The following ANKFN1 variants were observed in gnomAD, a reference collection of about 807,000 sequenced individuals.
The protein encoded by ANKFN1 is ankyrin repeat and fibronectin type-III domain-containing protein 1.
In ANKFN1, 74 loss-of-function variants were observed where a neutral mutation model predicts 108.7. The observed-to-expected ratio is 0.68, with a 90% confidence interval of 0.56 to 0.83. The LOEUF (loss-of-function observed/expected upper bound fraction) is 0.83, where lower values mean the gene tolerates loss of function less well. ANKFN1 is among the 40% of genes least tolerant of loss of function. ANKFN1 has a pLI of 0.00. For synonymous variants in ANKFN1, 547 were observed against 516.2 expected, an observed-to-expected ratio of 1.06 and a Z score of -0.81; for missense variants, 1,505 against 1,382.3, an observed-to-expected ratio of 1.09 and a Z score of -1.41.
Position 56,338,727 on chromosome 17 carries a change from A to G in ANKFN1, c.189-12039A>G, listed in dbSNP as rs190114841. ...CTCTTATGGATGCTATAGAGATTAC[A>G]TGATGTATTATTCAAGATCCCAGCA... On this transcript the variant is annotated intron_variant, in intron 4 of 20. Transcript: ENST00000682825. 1.8e-4 allele frequency among the ~76,000 whole-genome samples: 28 copies of G among 152,124 alleles called. No homozygotes were observed. The Middle Eastern group carries it at 0.014, about 74-fold the overall frequency.
intron 4 of ANKFN1, among the ~76,000 whole-genome samples, chr17:56,049,885 A>G (rs1904744703): frequency 6.6e-6 from 1 of 151,512 alleles, no homozygotes; most frequent in African/African-American, 2.4e-5. Context: ...AGCATGATTT[A>G]TAGTCCTTTG....
At position 56,144,156 on chromosome 17, in the gene ANKFN1, G is replaced by GAAAAAA. The variant is rs59884444; in HGVS notation, c.289-83737_289-83732dup. On this transcript the variant is annotated intron_variant, in intron 4 of 12. Coordinates refer to the ANKFN1 transcript ENST00000635860. Reference sequence around the variant, plus strand: ...GCCTGACACAAACAGAGGCGCATCTGAAAAAAAAAAAAAAAAAAAAAAAAA... The same window carrying GAAAAAA: ...GCCTGACACAAACAGAGGCGCATCTGAAAAAAAAAAAAAAAAAAAAAAAAAAAAAAA... 5.9e-4 allele frequency among the ~76,000 whole-genome samples: 24 copies of GAAAAAA among 40,556 alleles called. 1 individual carries two copies. Among genetic ancestry groups the GAAAAAA allele is most frequent in the African/African-American group, 1.8e-3 (19 of 10,852 alleles). The allele number at this position is 40,556 out of a possible 152,430, so 26.6% of individuals were successfully genotyped here. A position where few individuals can be genotyped will look rare whatever the true frequency, so the allele number is the denominator to read the frequency against.
chr17:56,053,345 C>T (rs1904810685), intron 4 of ANKFN1, among the ~76,000 whole-genome samples: 1 of 152,108 alleles, frequency 6.6e-6, no homozygotes, highest in Non-Finnish European at 1.5e-5. Flanking sequence ...CTGTCTATCT[C>T]CATGAGTTCA....
intron 2 of ANKFN1, among the ~76,000 whole-genome samples, chr17:56,224,126 A>C (rs915222706): frequency 1.3e-5 from 2 of 152,242 alleles, no homozygotes; most frequent in African/African-American, 4.8e-5. Flanking sequence ...CTATGCCTTC[A>C]TCACATAGTC....
chr17:56,337,603 T>A (rs115550645), intron 4 of ANKFN1, among the ~76,000 whole-genome samples: 3,059 of 118,110 alleles, frequency 0.026, 98 homozygotes, highest in African/African-American at 0.078. Flanking sequence ...CTGAAACAAA[T>A]TTACAAGAAA....
intron 3 of ANKFN1, among the ~76,000 whole-genome samples, chr17:56,307,971 C>T (rs1337176587): frequency 6.6e-6 from 1 of 152,050 alleles, no homozygotes; most frequent in Non-Finnish European, 1.5e-5. Flanking sequence ...AGCAAACTAT[C>T]GCAAGGACAA....
intron 15 of ANKFN1, among the ~76,000 whole-genome samples, chr17:56,468,071 C>T (rs2050191967): frequency 6.6e-6 from 1 of 152,144 alleles, no homozygotes; most frequent in Non-Finnish European, 1.5e-5. Flanking sequence ...CTTGAGTCTC[C>T]ACAAAACTTG....
intron 15 of ANKFN1, chr17:56,473,765 A>G (rs1223848598): frequency 2.0e-5 from 3 of 152,210 alleles, no homozygotes; most frequent in Admixed American, 6.6e-5. Context: ...TTAAAGAGGA[A>G]AAAATGACTA....
At chr17:56,110,956 A>C (rs1905927856) in intron 4 of ANKFN1, 1 of 152,262 alleles carries the variant, frequency 6.6e-6, no homozygotes, top group Admixed American at 6.5e-5. Context: ...AAAAGTCTCT[A>C]AACAGAGCTG....
intron 3 of ANKFN1, among the ~76,000 whole-genome samples, chr17:56,252,781 C>T (rs2043265725): frequency 6.7e-6 from 1 of 149,490 alleles, no homozygotes; most frequent in Non-Finnish European, 1.5e-5. Context: ...ATTGATGGAC[C>T]AGGTATGGTG....
intron 3 of ANKFN1, among the ~76,000 whole-genome samples, chr17:56,233,853 T>C (rs1321707679): frequency 2.0e-5 from 3 of 152,140 alleles, no homozygotes; most frequent in African/African-American, 4.8e-5. Flanking sequence ...GATATTTATA[T>C]ATATGTTAAT....
At position 56,253,747 on chromosome 17, in the gene ANKFN1, A is replaced by G. The variant is rs190386446; in HGVS notation, c.53+25790A>G. Among the ~76,000 whole-genome samples the G allele has an allele frequency of 2.6e-5, 4 of 152,300 alleles. No individual in the cohort carries two copies. In the East Asian group the frequency reaches 7.7e-4, roughly 29 times the overall value. On this transcript the variant is annotated intron_variant, in intron 3 of 20. Transcript: ENST00000682825. ...GAGTAAGATCTTGTCTCAAAAAAAT[A>G]AAAATAAAAAGGCCAGAACATTATG...
chr17:56,060,478 G>A (rs754048507), intron 4 of ANKFN1, among the ~76,000 whole-genome samples: 6 of 152,192 alleles, frequency 3.9e-5, no homozygotes, highest in Non-Finnish European at 7.3e-5. Context: ...TTGAATAGGA[G>A]TGGCGAGAGA....
At chr17:56,383,010 A>G (rs988181166) in intron 8 of ANKFN1, among the ~76,000 whole-genome samples, 1 of 152,172 alleles carries the variant, frequency 6.6e-6, no homozygotes, top group Admixed American at 6.5e-5. Flanking sequence ...CTCCACCCCA[A>G]ATCAACAGAA....
In ANKFN1 at chr17:56,456,864, G is replaced by T; in HGVS notation, c.1211G>T (p.Ser404Ile). Residue 404 changes from serine to isoleucine, a missense_variant, in exon 12 of 21, where the codon AGC (serine) becomes ATC (isoleucine). Physicochemically the swap from Ser to Ile is moderately radical, Grantham distance 142 (BLOSUM62 -2). Transcript: ENST00000682825. ...TATTTTTTAAAATACATTCCAGAAA[G>T]CACAAAATTACAAACCACAGGCCGC... ...ALHQHYSCRESTKLQTTGRKQ... is the reference protein window; with the variant it reads ...ALHQHYSCREITKLQTTGRKQ... 2.5e-6 allele frequency: 4 copies of T among 1,613,726 alleles called. No individual in the cohort carries two copies. The East Asian group carries it at 8.9e-5, about 36-fold the overall frequency.
intron 6 of ANKFN1, among the ~76,000 whole-genome samples, chr17:56,364,347 A>G (rs1302969211): frequency 2.0e-5 from 3 of 152,206 alleles, no homozygotes; most frequent in Non-Finnish European, 4.4e-5. Flanking sequence ...AATAAATTGT[A>G]TATTGATTGC....
At chr17:56,425,857 C>A (rs1028320891) in intron 8 of ANKFN1, among the ~76,000 whole-genome samples, 1 of 152,196 alleles carries the variant, frequency 6.6e-6, no homozygotes, top group African/African-American at 2.4e-5. Context: ...TCGCTTCCCA[C>A]CATTGTACTG....
chr17:56,278,569 C>A (rs1048013882), intron 3 of ANKFN1, among the ~76,000 whole-genome samples: 30 of 152,160 alleles, frequency 2.0e-4, no homozygotes, highest in Admixed American at 2.6e-4. Flanking sequence ...ACATACAATT[C>A]CAGTTCAAAA....
At chr17:56,258,659 C>A (rs2043420214) in intron 3 of ANKFN1, among the ~76,000 whole-genome samples, 1 of 152,110 alleles carries the variant, frequency 6.6e-6, no homozygotes, top group South Asian at 2.1e-4. Context: ...GCCTGTAATC[C>A]CAGCACTTTG....
Sources: allele counts gnomAD v4.1 joint callset (sites outside exome capture counted in the v4.1 genomes callset), GRCh38; gene constraint gnomAD v4.1.1; transcripts MANE v1.5; gene names NCBI Gene and HGNC (gene_info 2026-07-23, HGNC 2026-07-21).